The following RGS21 variants were observed in gnomAD, a reference collection of about 807,000 sequenced individuals.
RGS21 encodes the protein regulator of G-protein signalling 21.
Under a neutral mutation model 18.7 loss-of-function variants are expected in RGS21, and 19 were observed. The ratio of observed to expected loss-of-function variants is 1.01; its 90% CI spans 0.71 to 1.49. The LOEUF (loss-of-function observed/expected upper bound fraction) is 1.49, where lower values mean the gene tolerates loss of function less well. Ranked by LOEUF, RGS21 falls within the 40% of genes most tolerant of loss-of-function variation. The pLI, the probability that RGS21 is intolerant of heterozygous loss-of-function variation, is 0.00. For missense variants in RGS21, 194 were observed against 176.8 expected, an observed-to-expected ratio of 1.10 and a Z score of -0.55; for synonymous variants, 56 against 57.8, an observed-to-expected ratio of 0.97 and a Z score of 0.14.
chr1:192,346,077 G>A (rs1049940388), intron 2 of RGS21, among the ~76,000 whole-genome samples: 17 of 152,002 alleles, frequency 1.1e-4, no homozygotes. Flanking sequence ...AAGGAAGAAA[G>A]GAAAGTCAGC....
intron 1 of RGS21, among the ~76,000 whole-genome samples, chr1:192,325,875 T>G (rs1658562380): frequency 6.6e-6 from 1 of 152,134 alleles, no homozygotes; most frequent in Admixed American, 6.6e-5. Context: ...TGTGAGTTTT[T>G]CTAGTTTTAA....
intron 1 of RGS21, among the ~76,000 whole-genome samples, chr1:192,320,825 G>T (rs1658487874): frequency 6.6e-6 from 1 of 151,854 alleles, no homozygotes; most frequent in Non-Finnish European, 1.5e-5. Flanking sequence ...TTTCAGCTTG[G>T]CTGACCTTAA....
intron 4 of RGS21, among the ~76,000 whole-genome samples, chr1:192,356,596 C>A (rs777921119): frequency 2.0e-5 from 3 of 151,550 alleles, no homozygotes; most frequent in Non-Finnish European, 4.4e-5. Flanking sequence ...TGAGATAAGA[C>A]CTTCATTATA....
intron 1 of RGS21, among the ~76,000 whole-genome samples, chr1:192,342,179 G>T (rs569534247): frequency 3.8e-4 from 58 of 152,076 alleles, no homozygotes; most frequent in African/African-American, 1.4e-3. Context: ...TCTTTCAAGA[G>T]TTTTTAATTG....
intron 4 of RGS21, among the ~76,000 whole-genome samples, chr1:192,355,439 C>G (rs545738819): frequency 6.6e-5 from 10 of 151,522 alleles, no homozygotes; most frequent in Non-Finnish European, 8.9e-5. Context: ...AACGTGAACA[C>G]TTATTATAAA....
intron 1 of RGS21, among the ~76,000 whole-genome samples, chr1:192,321,503 A>G (rs1189629445): frequency 6.6e-6 from 1 of 152,044 alleles, no homozygotes; most frequent in Non-Finnish European, 1.5e-5. Flanking sequence ...ATATAAAATC[A>G]TCCTGATCCT....
At chr1:192,344,584 A>G (rs929310289) in intron 2 of RGS21, among the ~76,000 whole-genome samples, 7 of 152,148 alleles carry the variant, frequency 4.6e-5, no homozygotes, top group African/African-American at 7.2e-5. Flanking sequence ...CAGTTTATTC[A>G]TAGATACCAT....
chr1:192,351,734 T>C (rs760975939), intron 3 of RGS21, among the ~76,000 whole-genome samples: 2 of 147,694 alleles, frequency 1.4e-5, no homozygotes, highest in Non-Finnish European at 3.0e-5. Flanking sequence ...ATAATATATA[T>C]GCTATATAGC....
chr1:192,358,992 T>C (rs1182551387), intron 4 of RGS21, among the ~76,000 whole-genome samples: 1 of 152,114 alleles, frequency 6.6e-6, no homozygotes, highest in Non-Finnish European at 1.5e-5. Context: ...GTCAGTTGTG[T>C]CAAGACCTTT....
chr1:192,332,980 AT>A (rs1372956698), intron 1 of RGS21, among the ~76,000 whole-genome samples: 2 of 152,106 alleles, frequency 1.3e-5, no homozygotes, highest in Admixed American at 1.3e-4. Flanking sequence ...TTAAAAAAAA[AT>A]AACAACTAAC....
At position 192,352,082 on chromosome 1, in the gene RGS21, G is replaced by T. The variant is rs754334215; in HGVS notation, c.124G>T (p.Glu42Ter). The change falls in exon 4 of 5, where the codon GAG (glutamate) becomes TAG (stop). Residue 42 changes from glutamate to a stop codon, truncating the protein, a stop_gained. Transcript: ENST00000417209. LOFTEE classifies it high-confidence loss of function. ...LDAFRIFLKS[E>*]FSEENVEFWL... ...TGCTTTTCGAATATTTCTAAAATCA[G>T]AGTTTAGTGAAGAAAATGTTGAGTT... is the stretch of plus-strand genomic sequence containing the variant. The T allele has an allele frequency of 1.9e-6, 3 of 1,601,058 alleles. No individual in the cohort carries two copies. Among genetic ancestry groups the T allele is most frequent in the Non-Finnish European group, 2.6e-6 (3 of 1,175,492 alleles).
intron 1 of RGS21, among the ~76,000 whole-genome samples, chr1:192,332,565 A>T (rs1207796606): frequency 6.6e-6 from 1 of 152,224 alleles, no homozygotes; most frequent in Admixed American, 6.5e-5. Context: ...ATTAGACATG[A>T]CATCAAGAGC....
At chr1:192,343,771 A>G (rs1658907989) in intron 2 of RGS21, among the ~76,000 whole-genome samples, 1 of 152,112 alleles carries the variant, frequency 6.6e-6, no homozygotes, top group South Asian at 2.1e-4. Flanking sequence ...ACTTACTCTG[A>G]TTATGCATCA....
chr1:192,356,133 G>A (rs1659110483), intron 4 of RGS21, among the ~76,000 whole-genome samples: 1 of 151,766 alleles, frequency 6.6e-6, no homozygotes, highest in Admixed American at 6.6e-5. Context: ...ATAAACGAGA[G>A]TACATCTTCA....
intron 4 of RGS21, among the ~76,000 whole-genome samples, chr1:192,362,929 T>C (rs1659205757): frequency 6.6e-6 from 1 of 152,098 alleles, no homozygotes; most frequent in Admixed American, 6.6e-5. Flanking sequence ...AAATATCATC[T>C]TAGCAATGCA....
At chr1:192,349,362 T>A (rs1659003432) in intron 3 of RGS21, among the ~76,000 whole-genome samples, 1 of 152,186 alleles carries the variant, frequency 6.6e-6, no homozygotes, top group Non-Finnish European at 1.5e-5. Context: ...GGCAATAGTA[T>A]GAATGCTTTT....
chr1:192,351,612 G>A (rs1018101838), intron 3 of RGS21, among the ~76,000 whole-genome samples: 12 of 149,980 alleles, frequency 8.0e-5, no homozygotes, highest in African/African-American at 2.9e-4. Context: ...AAAAAGTACA[G>A]GTTTTCTTTG....
chr1:192,360,114 C>A (rs184129108), intron 4 of RGS21, among the ~76,000 whole-genome samples: 9 of 152,132 alleles, frequency 5.9e-5, no homozygotes, highest in Non-Finnish European at 1.2e-4. Flanking sequence ...CACTCACTCT[C>A]CTGATGATCT....
At chr1:192,333,281 C>G (rs1231281096) in intron 1 of RGS21, among the ~76,000 whole-genome samples, 3 of 151,520 alleles carry the variant, frequency 2.0e-5, no homozygotes, top group Non-Finnish European at 4.4e-5. Context: ...CACACACACA[C>G]ACACACACAC....
Sources: allele counts gnomAD v4.1 joint callset (sites outside exome capture counted in the v4.1 genomes callset), GRCh38; gene constraint gnomAD v4.1.1; transcripts MANE v1.5; gene names NCBI Gene and HGNC (gene_info 2026-07-23, HGNC 2026-07-21).